The following FAM131B variants were observed in gnomAD, a reference collection of about 807,000 sequenced individuals.
The protein encoded by FAM131B is protein FAM131B.
In FAM131B, 19 loss-of-function variants were observed where a neutral mutation model predicts 42.0. The ratio of observed to expected loss-of-function variants is 0.45; its 90% confidence interval spans 0.32 to 0.66. The LOEUF is 0.66. Among genes scored for constraint, FAM131B ranks in the 30% least tolerant of loss-of-function variants. FAM131B has a pLI of 0.05. For missense variants in FAM131B, 370 were observed against 468.4 expected, an observed-to-expected ratio of 0.79 and a Z score of 1.94; for synonymous variants, 183 against 177.6, an observed-to-expected ratio of 1.03 and a Z score of -0.24.
chr7:143,363,329 G>A (rs1270108037), upstream of FAM131B, among the ~76,000 whole-genome samples: 2 of 152,164 alleles, frequency 1.3e-5, no homozygotes, highest in African/African-American at 2.4e-5. Flanking sequence ...TGGGTGTGGG[G>A]ATGTGCAGAT....
chr7:143,366,559 C>CT (rs34519209), upstream of FAM131B, among the ~76,000 whole-genome samples: 4,662 of 138,308 alleles, frequency 0.034, 112 homozygotes, highest in African/African-American at 0.056. Context: ...GGTCTGTATT[C>CT]TTTTTTTTTT....
chr7:143,361,986 T>TCCCGCC, intron 1 of FAM131B: 1 of 887,174 alleles, frequency 1.1e-6, no homozygotes, highest in Non-Finnish European at 1.3e-6. Context: ...CCCGGGCTCA[T>TCCCGCC]CCCGCCCCCG....
At chr7:143,366,805 G>A (rs149488707), upstream of FAM131B, among the ~76,000 whole-genome samples, 702 of 152,216 alleles carry the variant, frequency 4.6e-3, 3 homozygotes, top group Middle Eastern at 0.014. Context: ...CGATCTGCCC[G>A]CCTTGGCCTC....
chr7:143,381,835 C>G, the FAM131B span: 1,452,761 of 1,453,558 alleles, frequency 1, 725,988 homozygotes, highest in East Asian at 1. Context: ...GGGGGGCAGT[C>G]GTTTCGGGAA....
rs114298352 is a variant in FAM131B at position 143,356,775 on chromosome 7, G to A, written c.858C>T (p.Asp286=). Residue 286 remains aspartate (D), a synonymous_variant, in exon 7 of 7, where the codon GAC becomes GAT. Coordinates refer to ENST00000443739, the MANE Select transcript of FAM131B (RefSeq NM_001031690.3). The surrounding 1 kb of genome is among the most constrained non-coding windows in gnomAD (Gnocchi z 4.4). ...CCACTGCGCCTACCCCCGGAGCCCAGTCAGTGTCTCCCCCCAGCAAAGGTG... is the reference window on the plus strand; with the variant it reads ...CCACTGCGCCTACCCCCGGAGCCCAATCAGTGTCTCCCCCCAGCAAAGGTG... ...EPPPLLGGDT[D]WAPGVGAVDL... 594 of 1,614,086 alleles carry A rather than the reference G, an allele frequency of 3.7e-4. 1 individual carries two copies. In the African/African-American group the frequency reaches 7.5e-3, roughly 20 times the overall value.
chr7:143,381,773 C>A, the FAM131B span: 1 of 1,573,904 alleles, frequency 6.4e-7, no homozygotes, highest in East Asian at 2.4e-5. Flanking sequence ...CCCGCCGCCC[C>A]CGGAAGGTAT....
rs1453776027 is a variant in FAM131B, at chr7:143,355,744, T to G, written c.*806A>C. 6.6e-6 allele frequency: 1 copy of G among 152,636 alleles called. No homozygotes were observed. The highest frequency in any genetic ancestry group is 2.4e-5 in the African/African-American group (1 of 41,456). 9.5% of individuals were successfully genotyped at this position (152,636 alleles called of 1,614,324 possible). A position where few individuals can be genotyped will look rare whatever the true frequency, so the allele number is the denominator to read the frequency against. ...AGAAAGCTGAAAGGGAAGCAAGAGCTGGAGCAGCCAGCCCTGGCTGGGTCT... is the reference window on the plus strand; with the variant it reads ...AGAAAGCTGAAAGGGAAGCAAGAGCGGGAGCAGCCAGCCCTGGCTGGGTCT... On this transcript the variant is annotated 3_prime_UTR_variant, in exon 7 of 7. Transcript: ENST00000443739. The surrounding 1 kb of genome is among the most constrained non-coding windows in gnomAD (Gnocchi z 4.1).
rs937846034 is a variant in FAM131B at position 143,358,732 on chromosome 7, T to C, written c.466+95A>G. 10 of 906,050 alleles carry C rather than the reference T, an allele frequency of 1.1e-5. No individual in the cohort carries two copies. The East Asian group carries it at 2.1e-4, about 19-fold the overall frequency. 56.1% of individuals were successfully genotyped at this position (906,050 alleles called of 1,614,324 possible). On this transcript the variant is annotated intron_variant, in intron 5 of 6. Coordinates refer to ENST00000443739, the MANE Select transcript of FAM131B (RefSeq NM_001031690.3). This position sits in a 1 kb window ranked among gnomAD's most constrained non-coding sequence, Gnocchi z 4.7. ...GAAATGTGAATCTACGGTCAAAGTA[T>C]GGATGGAGCTAATCCTGCCACAGGG...
the FAM131B span, among the ~76,000 whole-genome samples, chr7:143,376,054 T>C: frequency 1.8e-3 from 268 of 152,292 alleles, 2 homozygotes; most frequent in African/African-American, 6.1e-3. Context: ...GGCCCAGCCC[T>C]TGGGATGAGG....
the FAM131B span, among the ~76,000 whole-genome samples, chr7:143,376,544 G>A: frequency 6.6e-6 from 1 of 152,202 alleles, no homozygotes; most frequent in Non-Finnish European, 1.5e-5. Flanking sequence ...TCTCTTGGGG[G>A]AGTGGCCCTT....
In FAM131B at chr7:143,359,868, A is replaced by C; in HGVS notation, c.139-101T>G. 8.3e-7 allele frequency: 1 copy of C among 1,209,450 alleles called. No individual in the cohort carries two copies. The highest frequency in any genetic ancestry group is 1.3e-5 in the South Asian group (1 of 77,204). 74.9% of individuals were successfully genotyped at this position (1,209,450 alleles called of 1,614,324 possible). ...CCTTCCAGGAGTGCGGGATGTGGGG[A>C]GGGCTTTCCTGAGGTTGATGCCGCT... On this transcript the variant is annotated intron_variant, in intron 2 of 6. Transcript: ENST00000443739. The surrounding 1 kb of genome is among the most constrained non-coding windows in gnomAD (Gnocchi z 5.4).
the FAM131B span, chr7:143,381,521 C>T: frequency 5.3e-5 from 84 of 1,572,066 alleles, no homozygotes; most frequent in South Asian, 8.4e-4. Flanking sequence ...CTCCTGAGCC[C>T]GGCTCCGCGC....
Position 143,359,144 on chromosome 7 carries a change from A to G in FAM131B, c.269-120T>C. ...CCATCCCACTGGGCCAGGCTCCCCTAAGGACTCCATAGATGGGGTAGTGGA... is the reference window on the plus strand; with the variant it reads ...CCATCCCACTGGGCCAGGCTCCCCTGAGGACTCCATAGATGGGGTAGTGGA... On this transcript the variant is annotated intron_variant, in intron 4 of 6. Coordinates refer to ENST00000443739, the MANE Select transcript of FAM131B (RefSeq NM_001031690.3). This position sits in a 1 kb window ranked among gnomAD's most constrained non-coding sequence, Gnocchi z 5.4. The G allele has an allele frequency of 8.8e-7, 1 of 1,134,990 alleles. No homozygotes were observed. Among genetic ancestry groups the G allele is most frequent in the Non-Finnish European group, 1.3e-6 (1 of 786,754 alleles). 70.3% of individuals were successfully genotyped at this position (1,134,990 alleles called of 1,614,324 possible).
Position 143,359,327 on chromosome 7 carries a change from T to C in FAM131B, c.267A>G (p.Ser89=). Residue 89 remains serine, a splice_region_variant and synonymous_variant, in exon 4 of 7, where the codon TCA becomes TCG. Transcript: ENST00000443739. This position sits in a 1 kb window ranked among gnomAD's most constrained non-coding sequence, Gnocchi z 5.4. ...GIGALAKSSF[S]GISRSMKDHV... is the part of the protein sequence containing the mutation. The stretch of plus-strand genomic sequence containing the variant: ...GCATTCTTACATCAGGAGTCTCACC[T>C]GAGAATGATGACTTGGCCAGGGCCC... The C allele has an allele frequency of 6.2e-7, 1 of 1,610,804 alleles. No homozygotes were observed. The highest frequency in any genetic ancestry group is 8.5e-7 in the Non-Finnish European group (1 of 1,177,424).
In FAM131B at chr7:143,357,280, C is replaced by G. The variant is rs1803709994; in HGVS notation, c.610G>C (p.Asp204His). Residue 204 changes from aspartate to histidine, a missense_variant and splice_region_variant, in exon 6 of 7, where the codon GAT becomes CAT. By Grantham distance (81) the Asp-to-His change is moderately conservative. Coordinates refer to ENST00000443739, the MANE Select transcript of FAM131B (RefSeq NM_001031690.3). ...DNYQELMDSQ[D>H]ALAQAPMDGW... Reference sequence around the variant, plus strand: ...GTTTGGATTCTGGAACATCTCTCACCCTGACTGTCCATCAGTTCCTGGTAG... The same window carrying G: ...GTTTGGATTCTGGAACATCTCTCACGCTGACTGTCCATCAGTTCCTGGTAG... 3 of 1,613,808 alleles carry G rather than the reference C, an allele frequency of 1.9e-6. No individual in the cohort carries two copies. The highest frequency in any genetic ancestry group is 3.3e-5 in the Admixed American group (2 of 59,968).
chr7:143,382,234 C>T, the FAM131B span: 36 of 1,610,478 alleles, frequency 2.2e-5, no homozygotes, highest in South Asian at 3.3e-4. Context: ...ACGTCTTTCT[C>T]CTTCCTACCC....
In FAM131B at chr7:143,359,115, G is replaced by A. The variant is rs1803825172; in HGVS notation, c.269-91C>T. ...AGTTCCTCCCACCCCAGCCCCATGA[G>A]GCTCCATCCCACTGGGCCAGGCTCC... On this transcript the variant is annotated intron_variant, in intron 4 of 6. Transcript: ENST00000443739. The surrounding 1 kb of genome is among the most constrained non-coding windows in gnomAD (Gnocchi z 5.4). 3.7e-6 allele frequency: 5 copies of A among 1,353,356 alleles called. No homozygotes were observed. Among genetic ancestry groups the A allele is most frequent in the Non-Finnish European group, 3.1e-6 (3 of 978,136 alleles). The allele number at this position is 1,353,356 out of a possible 1,614,324, so 83.8% of individuals were successfully genotyped here.
At chr7:143,378,515 G>T in the FAM131B span, among the ~76,000 whole-genome samples, 10 of 150,744 alleles carry the variant, frequency 6.6e-5, no homozygotes, top group Non-Finnish European at 1.3e-4. Context: ...AATTAGAATT[G>T]CTTACTTAAG....
At chr7:143,361,817 G>C in intron 1 of FAM131B, 1 of 152,524 alleles carries the variant, frequency 6.6e-6, no homozygotes, top group Non-Finnish European at 1.5e-5. Flanking sequence ...CCCGCTGACA[G>C]GTGCAGGCGG....
Sources: gnomAD v4.1 joint callset for allele counts (sites outside exome capture counted in the v4.1 genomes callset) on GRCh38, gnomAD v4.1.1 for gene constraint, Gnocchi (gnomAD v3.1) non-coding constraint, MANE v1.5 for transcripts, NCBI Gene and HGNC (gene_info 2026-07-23, HGNC 2026-07-21) for gene names.